Variants in ZFYVE9 observed in about 807,000 individuals in gnomAD.
ZFYVE9 encodes the protein zinc finger FYVE-type containing 9.
Under a neutral mutation model 126.7 loss-of-function variants are expected in ZFYVE9, and 43 were observed. That is an observed-to-expected ratio of 0.34 (90% CI 0.27 to 0.44). The LOEUF (loss-of-function observed/expected upper bound fraction) is 0.44, where lower values mean the gene tolerates loss of function less well. ZFYVE9 is among the 20% of genes least tolerant of loss of function. The pLI, the probability that ZFYVE9 is intolerant of heterozygous loss-of-function variation, is 1.00. For missense variants in ZFYVE9, 1,476 were observed against 1,697.0 expected, an observed-to-expected ratio of 0.87 and a Z score of 2.29; for synonymous variants, 521 against 597.4, an observed-to-expected ratio of 0.87 and a Z score of 1.87.
At position 52,273,977 on chromosome 1, in the gene ZFYVE9, G is replaced by T. The variant is rs575023764; in HGVS notation, c.2626-487G>T. ...TTTACAATTTTAACAATTTTTAAGT[G>T]AATTCATTGGCATCAAGTACATTCA... On this transcript the variant is annotated intron_variant, in intron 7 of 18. Coordinates refer to ENST00000287727, the MANE Select transcript of ZFYVE9 (RefSeq NM_004799.4). Among the ~76,000 whole-genome samples, 8 of 152,028 alleles carry T rather than the reference G, an allele frequency of 5.3e-5. No individual in the cohort carries two copies. In the South Asian group the frequency reaches 1.7e-3, roughly 32 times the overall value.
Position 52,218,227 on chromosome 1 carries a change from A to G in ZFYVE9, c.-37+1753A>G, listed in dbSNP as rs537558455. Reference sequence around the variant, plus strand: ...CCAGTTGAATCAGAGCACAAGTGCCACTCCAGTTGCTTGGCAGTGTACCAA... The same window carrying G: ...CCAGTTGAATCAGAGCACAAGTGCCGCTCCAGTTGCTTGGCAGTGTACCAA... On this transcript the variant is annotated intron_variant, in intron 2 of 18. Coordinates refer to ENST00000287727, the MANE Select transcript of ZFYVE9 (RefSeq NM_004799.4). 2.0e-5 allele frequency among the ~76,000 whole-genome samples: 3 copies of G among 151,906 alleles called. No individual in the cohort carries two copies. In the East Asian group the frequency reaches 5.8e-4, roughly 29 times the overall value.
chr1:52,145,315 TC>T (rs374543431), intron 1 of ZFYVE9, among the ~76,000 whole-genome samples: 3 of 152,222 alleles, frequency 2.0e-5, no homozygotes, highest in African/African-American at 7.2e-5. Flanking sequence ...CACTGTTCAT[TC>T]CATTCAGTAA....
chr1:52,335,089 A>G (rs1325839870), intron 15 of ZFYVE9: 1 of 186,476 alleles, frequency 5.4e-6, no homozygotes, highest in Non-Finnish European at 1.1e-5. Context: ...AGTCCTGTCC[A>G]CAAGAATGCT....
intron 7 of ZFYVE9, among the ~76,000 whole-genome samples, chr1:52,271,608 A>C (rs561744036): frequency 9.9e-5 from 15 of 152,250 alleles, no homozygotes; most frequent in African/African-American, 2.6e-4. Context: ...ACCACTTTTT[A>C]TGATATTAAA....
intron 1 of ZFYVE9, among the ~76,000 whole-genome samples, chr1:52,178,354 C>T (rs115187085): frequency 0.037 from 5,030 of 136,034 alleles, 210 homozygotes; most frequent in African/African-American, 0.11. Flanking sequence ...GTTTTTGAGA[C>T]GGAGTCTCGC....
chr1:52,336,377 T>G lies in ZFYVE9; in HGVS notation c.3671-1395T>G, dbSNP rs1330684879. On this transcript the variant is annotated intron_variant, in intron 15 of 18. Transcript: ENST00000287727. ...CTAAGAGGTTTTTTTTGTTTTTTTT[T>G]TTTTTTTTTTAAGATGGAGGCTTGT... Among the ~76,000 whole-genome samples the G allele has an allele frequency of 7.9e-5, 11 of 139,396 alleles. No homozygotes were observed. In the East Asian group the frequency reaches 1.6e-3, roughly 20 times the overall value. 91.4% of individuals were successfully genotyped at this position (139,396 alleles called of 152,430 possible).
At chr1:52,248,088 G>A (rs1316102149) in intron 4 of ZFYVE9, among the ~76,000 whole-genome samples, 2 of 152,126 alleles carry the variant, frequency 1.3e-5, no homozygotes, top group Non-Finnish European at 2.9e-5. Flanking sequence ...CAACTCACAT[G>A]GTTAGAAGGT....
At chr1:52,322,342 G>A (rs898712586) in intron 13 of ZFYVE9, among the ~76,000 whole-genome samples, 2 of 148,360 alleles carry the variant, frequency 1.3e-5, no homozygotes, top group African/African-American at 2.5e-5. Flanking sequence ...ACCCTTGTCA[G>A]TCTGTTTTTA....
chr1:52,171,308 G>T (rs1293794281), intron 1 of ZFYVE9, among the ~76,000 whole-genome samples: 1 of 152,110 alleles, frequency 6.6e-6, no homozygotes, highest in Non-Finnish European at 1.5e-5. Flanking sequence ...TTTCATCCAT[G>T]TCCCTACAAA....
chr1:52,277,661 G>A (rs1282656634), intron 8 of ZFYVE9, among the ~76,000 whole-genome samples: 2 of 152,106 alleles, frequency 1.3e-5, no homozygotes, highest in Non-Finnish European at 2.9e-5. Flanking sequence ...CCTCAAATAT[G>A]CATTTTATAT....
At chr1:52,261,712 G>A (rs1193043234) in intron 4 of ZFYVE9, among the ~76,000 whole-genome samples, 4 of 152,192 alleles carry the variant, frequency 2.6e-5, no homozygotes, top group African/African-American at 4.8e-5. Context: ...TAGGAGAACA[G>A]TTAGGTTATC....
chr1:52,247,126 G>A (rs1216483769), intron 4 of ZFYVE9, among the ~76,000 whole-genome samples: 2 of 152,280 alleles, frequency 1.3e-5, no homozygotes, highest in East Asian at 3.9e-4. Context: ...CACTGCTCCT[G>A]GCTGCCTTTG....
chr1:52,172,360 A>G (rs1032303918), intron 1 of ZFYVE9, among the ~76,000 whole-genome samples: 30 of 152,114 alleles, frequency 2.0e-4, no homozygotes, highest in Non-Finnish European at 4.0e-4. Context: ...ATTGATCTAT[A>G]TCTCTATTTT....
intron 9 of ZFYVE9, among the ~76,000 whole-genome samples, chr1:52,279,823 C>A (rs569992907): frequency 6.6e-6 from 1 of 152,088 alleles, no homozygotes; most frequent in Non-Finnish European, 1.5e-5. Context: ...TGTTAATAGG[C>A]AATTTTAAAG....
At chr1:52,281,135 C>CTTTTTTTTTTTTTTT (rs539866378) in intron 9 of ZFYVE9, among the ~76,000 whole-genome samples, 3 of 137,224 alleles carry the variant, frequency 2.2e-5, no homozygotes, top group Admixed American at 7.3e-5. Context: ...CTTTTCTTTT[C>CTTTTTTTTTTTTTTT]TTTTTTTTTT....
chr1:52,204,745 A>G (rs1045506965), intron 1 of ZFYVE9, among the ~76,000 whole-genome samples: 4 of 152,124 alleles, frequency 2.6e-5, no homozygotes, highest in Non-Finnish European at 5.9e-5. Flanking sequence ...AAGAAAAGAA[A>G]AAAGAGTAGA....
chr1:52,335,019 G>A (rs1013725108), intron 15 of ZFYVE9: 36 of 319,040 alleles, frequency 1.1e-4, no homozygotes, highest in African/African-American at 7.7e-4. Context: ...CTGAGGGCAT[G>A]TAGTCTGAGT....
intron 12 of ZFYVE9, 146 bp downstream of exon 12, chr1:52,296,123 A>ACG: frequency 1.8e-6 from 1 of 541,326 alleles, no homozygotes; most frequent in African/African-American, 1.9e-5. Context: ...CAGTATATGT[A>ACG]TGTGTATATA....
intron 1 of ZFYVE9, among the ~76,000 whole-genome samples, chr1:52,155,243 T>C (rs537651101): frequency 1.3e-5 from 2 of 148,368 alleles, no homozygotes; most frequent in South Asian, 2.2e-4. Context: ...TCTTTTTTTT[T>C]TTTTTTTTTT....
Sources: allele counts gnomAD v4.1 joint callset (sites outside exome capture counted in the v4.1 genomes callset), GRCh38; gene constraint gnomAD v4.1.1; transcripts MANE v1.5; gene names NCBI Gene and HGNC (gene_info 2026-07-23, HGNC 2026-07-21).